ERCC3: variants seen among roughly 807,000 people sequenced by gnomAD.
The protein encoded by ERCC3 is ERCC excision repair 3, TFIIH core complex helicase subunit.
In ERCC3, 66 loss-of-function variants were observed where a neutral mutation model predicts 94.2. That is an observed-to-expected ratio of 0.70 (90% CI 0.57 to 0.86). ERCC3 has a LOEUF of 0.86. ERCC3 is among the 40% of genes least tolerant of loss of function. The pLI, the probability that ERCC3 is intolerant of heterozygous loss-of-function variation, is 0.00. For missense variants in ERCC3, 829 were observed against 987.1 expected (o/e 0.84, Z 2.15); for synonymous variants, 349 against 369.1 (o/e 0.95, Z 0.63).
At chr2:127,272,803 G>C in intron 11 of ERCC3, 62 bp downstream of exon 11, 1 of 1,003,956 alleles carries the variant, frequency 1.0e-6, no homozygotes, top group Non-Finnish European at 1.6e-6. Context: ...AGGAATCATA[G>C]TGTACCCCCC....
chr2:127,272,757 G>A, intron 11 of ERCC3, 108 bp downstream of exon 11: 3 of 773,080 alleles, frequency 3.9e-6, no homozygotes, highest in Non-Finnish European at 7.0e-6. Flanking sequence ...AAAACATGCA[G>A]GAGAAGTTCC....
At chr2:127,261,105 C>G (rs1020782554) in intron 13 of ERCC3, 123 bp downstream of exon 13, 1 of 745,950 alleles carries the variant, frequency 1.3e-6, no homozygotes, top group Non-Finnish European at 2.5e-6. Context: ...GAGTTTGAGG[C>G]AAGGCCTCTA....
chr2:127,268,299 C>T (rs1426486997), intron 12 of ERCC3, among the ~76,000 whole-genome samples: 3 of 151,856 alleles, frequency 2.0e-5, no homozygotes, highest in Admixed American at 1.3e-4. Flanking sequence ...TGTTCTGTTG[C>T]CCAAGGTGGA....
At chr2:127,276,559 A>G (rs1684740406) in intron 10 of ERCC3, among the ~76,000 whole-genome samples, 1 of 152,174 alleles carries the variant, frequency 6.6e-6, no homozygotes, top group African/African-American at 2.4e-5. Flanking sequence ...ACAAGTCTCA[A>G]TACAAGGGTT....
intron 12 of ERCC3, among the ~76,000 whole-genome samples, chr2:127,266,709 AT>A (rs960627621): frequency 0.011 from 1,002 of 87,368 alleles, 8 homozygotes; most frequent in Middle Eastern, 0.043. Flanking sequence ...ATGATCAATT[AT>A]TTTTTTTTTT....
At chr2:127,290,159 T>A in intron 4 of ERCC3, 65 bp downstream of exon 4, 1 of 1,285,198 alleles carries the variant, frequency 7.8e-7, no homozygotes, top group South Asian at 1.2e-5. Flanking sequence ...CCCATATCCC[T>A]TTATTCCTGC....
At chr2:127,267,009 C>T (rs1573934919) in intron 12 of ERCC3, among the ~76,000 whole-genome samples, 2 of 152,200 alleles carry the variant, frequency 1.3e-5, no homozygotes, top group East Asian at 3.8e-4. Flanking sequence ...AGCCACGGCA[C>T]CAGGCCCATG....
intron 8 of ERCC3, among the ~76,000 whole-genome samples, chr2:127,282,837 CACCTTTTTGT>C (rs1684958450): frequency 6.6e-6 from 1 of 152,186 alleles, no homozygotes; most frequent in Non-Finnish European, 1.5e-5. Context: ...GTGTGAGATG[CACCTTTTTGT>C]ACTTGTTCAT....
rs931064573 is a variant in ERCC3, at chr2:127,258,208, C to T, written c.2218-481G>A. Reference sequence around the variant, plus strand: ...TAGGCCTCCCAAAGTGCTGGGATTACAGACATGAGCCACCATGCCTGGCCT... The same window carrying T: ...TAGGCCTCCCAAAGTGCTGGGATTATAGACATGAGCCACCATGCCTGGCCT... On this transcript the variant is annotated intron_variant, in intron 14 of 14. Coordinates refer to ENST00000285398, the MANE Select transcript of ERCC3 (RefSeq NM_000122.2). This position sits in a 1 kb window ranked among gnomAD's most constrained non-coding sequence, Gnocchi z 4.1. Among the ~76,000 whole-genome samples, 3 of 152,148 alleles carry T rather than the reference C, an allele frequency of 2.0e-5. No homozygotes were observed. Among genetic ancestry groups the T allele is most frequent in the African/African-American group, 7.2e-5 (3 of 41,426 alleles).
chr2:127,269,489 T>A (rs1479287733), intron 12 of ERCC3, among the ~76,000 whole-genome samples: 1 of 146,220 alleles, frequency 6.8e-6, no homozygotes, highest in African/African-American at 2.5e-5. Context: ...TGGCGCAATC[T>A]CGGCTCACTG....
At chr2:127,261,835 T>C (rs963086173) in intron 12 of ERCC3, 1 of 200,500 alleles carries the variant, frequency 5.0e-6, no homozygotes, top group African/African-American at 2.4e-5. Flanking sequence ...ACTGCCACTG[T>C]TGTCAAGGAT....
intron 3 of ERCC3, chr2:127,290,711 A>C: frequency 3.5e-6 from 1 of 282,634 alleles, no homozygotes; most frequent in Non-Finnish European, 6.9e-6. Context: ...GATGGCAGAG[A>C]ATACAGCTTA....
Position 127,257,838 on chromosome 2 carries a change from C to T in ERCC3, c.2218-111G>A. On this transcript the variant is annotated intron_variant, in intron 14 of 14. Coordinates refer to ENST00000285398, the MANE Select transcript of ERCC3 (RefSeq NM_000122.2). The surrounding 1 kb of genome is among the most constrained non-coding windows in gnomAD (Gnocchi z 5.4). ...TAAGACTTACATAAATTTAATACAT[C>T]ATTTTTAATAATGTTTACAGATCGC... The T allele has an allele frequency of 1.7e-6, 2 of 1,209,918 alleles. No homozygotes were observed. The highest frequency in any genetic ancestry group is 2.4e-6 in the Non-Finnish European group (2 of 833,882). The allele number at this position is 1,209,918 out of a possible 1,614,324, so 74.9% of individuals were successfully genotyped here.
At chr2:127,273,069 C>A in intron 10 of ERCC3, 108 bp from the exon 11 acceptor site, 1 of 741,986 alleles carries the variant, frequency 1.3e-6, no homozygotes, top group Non-Finnish European at 2.4e-6. Context: ...AGTAGAAAGC[C>A]CTCGTCATGT....
At chr2:127,272,007 C>CTTTTT (rs59921131) in intron 11 of ERCC3, among the ~76,000 whole-genome samples, 109 of 63,056 alleles carry the variant, frequency 1.7e-3, no homozygotes, top group Non-Finnish European at 2.0e-3. Context: ...AATCTCATTT[C>CTTTTT]TTTTTTTTTT....
In ERCC3 at chr2:127,282,293, T is replaced by A. The variant is rs556781631; in HGVS notation, c.1343-1662A>T. ...CATAGTATGCACTTTTGTGTGTGGC[T>A]TGTATCACTCAACATTATGTCATGG... On this transcript the variant is annotated intron_variant, in intron 8 of 14. Transcript: ENST00000285398. Among the ~76,000 whole-genome samples, 4 of 152,346 alleles carry A rather than the reference T, an allele frequency of 2.6e-5. No homozygotes were observed. The South Asian group carries it at 8.3e-4, about 32-fold the overall frequency.
At chr2:127,283,114 T>C (rs527466388) in intron 8 of ERCC3, among the ~76,000 whole-genome samples, 5 of 122,932 alleles carry the variant, frequency 4.1e-5, no homozygotes, top group Non-Finnish European at 8.1e-5. Flanking sequence ...TTTTAAATTC[T>C]CACAGTAAAA....
In ERCC3 at chr2:127,270,867, C is replaced by A. The variant is rs559764917; in HGVS notation, c.1945+469G>T. ...GAGCTTGCCCTGCCCCTGCTGCAAG[C>A]TGCCACCAGGGCGGCACTCTGCACA... On this transcript the variant is annotated intron_variant, in intron 12 of 14. Transcript: ENST00000285398. Among the ~76,000 whole-genome samples, 24 of 152,350 alleles carry A rather than the reference C, an allele frequency of 1.6e-4. No individual in the cohort carries two copies. The East Asian group carries it at 3.5e-3, about 22-fold the overall frequency.
In ERCC3 at chr2:127,294,127, C is replaced by A. The variant is rs1042642995; in HGVS notation, c.-46G>T. 2.5e-6 allele frequency: 4 copies of A among 1,597,462 alleles called. No homozygotes were observed. The East Asian group carries it at 9.0e-5, about 36-fold the overall frequency. The stretch of plus-strand genomic sequence containing the variant: ...GAAGATGACCCCGCTCCCACAGGCC[C>A]GCCGCGGCATCCGCTCTGGGGGGAC... On this transcript the variant is annotated 5_prime_UTR_variant, in exon 1 of 15. Coordinates refer to ENST00000285398, the MANE Select transcript of ERCC3 (RefSeq NM_000122.2).
Sources: gnomAD v4.1 joint callset for allele counts (sites outside exome capture counted in the v4.1 genomes callset) on GRCh38, gnomAD v4.1.1 for gene constraint, Gnocchi (gnomAD v3.1) non-coding constraint, MANE v1.5 for transcripts, NCBI Gene and HGNC (gene_info 2026-07-23, HGNC 2026-07-21) for gene names.